CORIN: variants seen among roughly 807,000 people sequenced by gnomAD.
The protein encoded by CORIN is atrial natriuretic peptide-converting enzyme.
In CORIN, 117 loss-of-function variants were observed where a neutral mutation model predicts 125.3. The ratio of observed to expected loss-of-function variants is 0.93; its 90% CI spans 0.80 to 1.09. The LOEUF (loss-of-function observed/expected upper bound fraction) is 1.09, where lower values mean the gene tolerates loss of function less well. Among genes scored for constraint, CORIN ranks in the 50% least tolerant of loss-of-function variants. CORIN has a pLI of 0.00. For synonymous variants in CORIN, 450 were observed against 466.4 expected (o/e 0.96, Z 0.45); for missense variants, 1,253 against 1,306.7 (o/e 0.96, Z 0.63).
At chr4:47,693,133 C>A in intron 5 of CORIN, 50 bp from the exon 6 acceptor site, 4 of 1,176,938 alleles carry the variant, frequency 3.4e-6, no homozygotes, top group Non-Finnish European at 5.0e-6. Flanking sequence ...GGTTTTTTTT[C>A]TTTTAAGATT....
At chr4:47,649,104 C>T (rs761566149) in intron 13 of CORIN, among the ~76,000 whole-genome samples, 4 of 152,220 alleles carry the variant, frequency 2.6e-5, no homozygotes, top group Non-Finnish European at 5.9e-5. Flanking sequence ...GCTGGAAAGT[C>T]GCAGCAGCCT....
chr4:47,770,964 A>G (rs1729999716), intron 3 of CORIN, among the ~76,000 whole-genome samples: 1 of 152,208 alleles, frequency 6.6e-6, no homozygotes, highest in Non-Finnish European at 1.5e-5. Context: ...ATTGTACAGC[A>G]TGGTGACTAT....
chr4:47,810,375 G>A (rs2109958457), intron 1 of CORIN, among the ~76,000 whole-genome samples: 1 of 152,120 alleles, frequency 6.6e-6, no homozygotes, highest in African/African-American at 2.4e-5. Flanking sequence ...TGTAGAGACA[G>A]GATTTCACCA....
chr4:47,642,951 G>C (rs1174358196), intron 15 of CORIN, 195 bp downstream of exon 15: 1 of 1,535,042 alleles, frequency 6.5e-7, no homozygotes, highest in South Asian at 1.2e-5. Context: ...ATTTCAAATA[G>C]AGAAGTAGCT....
chr4:47,828,079 C>A (rs1238867950), intron 1 of CORIN, among the ~76,000 whole-genome samples: 1 of 152,178 alleles, frequency 6.6e-6, no homozygotes, highest in Admixed American at 6.5e-5. Context: ...CAAATGCCCA[C>A]TAAGAGGGAA....
intron 21 of CORIN, among the ~76,000 whole-genome samples, chr4:47,597,961 G>C (rs902813564): frequency 2.6e-5 from 4 of 152,166 alleles, no homozygotes; most frequent in African/African-American, 9.6e-5. Context: ...TGACTTCCAG[G>C]TGGAGAGGAA....
chr4:47,618,562 G>C (rs1036697401), intron 19 of CORIN, among the ~76,000 whole-genome samples: 5 of 152,192 alleles, frequency 3.3e-5, no homozygotes, highest in Admixed American at 1.3e-4. Flanking sequence ...GCTCACGCCT[G>C]TAATCCCAGC....
intron 1 of CORIN, among the ~76,000 whole-genome samples, chr4:47,827,874 T>A (rs1732810324): frequency 6.6e-6 from 1 of 152,134 alleles, no homozygotes; most frequent in South Asian, 2.1e-4. Flanking sequence ...TGACTGTCTC[T>A]CCTCGTTCTG....
At chr4:47,644,635 A>T (rs565735831) in intron 14 of CORIN, among the ~76,000 whole-genome samples, 1 of 152,358 alleles carries the variant, frequency 6.6e-6, no homozygotes, top group South Asian at 2.1e-4. Context: ...ACTTTTAAAT[A>T]TGACTTTCTG....
chr4:47,751,410 A>C (rs559583418), intron 4 of CORIN, among the ~76,000 whole-genome samples: 4 of 152,272 alleles, frequency 2.6e-5, no homozygotes, highest in Non-Finnish European at 5.9e-5. Context: ...ATAATCACTA[A>C]ATACTGCCAA....
At chr4:47,648,268 G>T (rs1484330548) in intron 13 of CORIN, among the ~76,000 whole-genome samples, 1 of 152,150 alleles carries the variant, frequency 6.6e-6, no homozygotes, top group Non-Finnish European at 1.5e-5. Flanking sequence ...AATAATTGTT[G>T]ATGTCAGAAT....
At chr4:47,684,495 C>T (rs2109723691) in intron 6 of CORIN, among the ~76,000 whole-genome samples, 1 of 152,294 alleles carries the variant, frequency 6.6e-6, no homozygotes, top group African/African-American at 2.4e-5. Context: ...TAAACCAGAA[C>T]TCCTATCCTG....
chr4:47,730,424 G>A (rs920444768), intron 5 of CORIN, among the ~76,000 whole-genome samples: 1 of 141,380 alleles, frequency 7.1e-6, no homozygotes, highest in African/African-American at 2.6e-5. Context: ...AGTGAACTGA[G>A]ATTGTGCCAC....
chr4:47,719,043 T>A (rs1577859433), intron 5 of CORIN, among the ~76,000 whole-genome samples: 1 of 152,160 alleles, frequency 6.6e-6, no homozygotes, highest in African/African-American at 2.4e-5. Context: ...CATGAATAAC[T>A]CCCAAGCTCT....
chr4:47,643,207 T>G lies in CORIN; in HGVS notation c.2007A>C (p.Ser669=). The stretch of plus-strand genomic sequence containing the variant: ...CTTCACCATCACACCACAGGTCACG[T>G]GACACACACGCATGGTTTGCACATT... ...ELECANHACV[S]RDLWCDGEAD... is the part of the protein sequence containing the mutation. The change falls in exon 15 of 22, where the codon TCA becomes TCC. Residue 669 remains serine (S), a synonymous_variant. Coordinates refer to ENST00000273857, the MANE Select transcript of CORIN (RefSeq NM_006587.4). 1 of 1,613,998 alleles carries G rather than the reference T, an allele frequency of 6.2e-7. No homozygotes were observed. The highest frequency in any genetic ancestry group is 2.2e-5 in the East Asian group (1 of 44,870).
intron 2 of CORIN, among the ~76,000 whole-genome samples, chr4:47,803,755 A>G (rs1221071979): frequency 2.0e-5 from 3 of 152,242 alleles, no homozygotes; most frequent in Non-Finnish European, 4.4e-5. Flanking sequence ...TGAAAATGCT[A>G]AAAGAAAACA....
chr4:47,621,538 G>A (rs1443636556), intron 19 of CORIN, among the ~76,000 whole-genome samples: 2 of 152,116 alleles, frequency 1.3e-5, no homozygotes, highest in Non-Finnish European at 2.9e-5. Flanking sequence ...TTTATGTTTG[G>A]TTTTGTTTGT....
At chr4:47,650,325 A>G (rs1455559876) in intron 13 of CORIN, among the ~76,000 whole-genome samples, 1 of 152,184 alleles carries the variant, frequency 6.6e-6, no homozygotes, top group Non-Finnish European at 1.5e-5. Context: ...ATCAATTAGT[A>G]ATTTTGATTC....
rs1729521319 is a variant in CORIN at position 47,762,639 on chromosome 4, T to TATA, written c.617+739_617+740insTAT. 6.6e-5 allele frequency among the ~76,000 whole-genome samples: 10 copies of TATA among 152,312 alleles called. No homozygotes were observed. The Middle Eastern group carries it at 0.014, about 207-fold the overall frequency. On this transcript the variant is annotated intron_variant, in intron 4 of 21. Transcript: ENST00000273857. ...GAACCACCCAACATCTATGTATGGT[T>TATA]CACACTTGCTTTAAAGTATAAGATT...
Sources: allele counts gnomAD v4.1 joint callset (sites outside exome capture counted in the v4.1 genomes callset), GRCh38; gene constraint gnomAD v4.1.1; transcripts MANE v1.5; gene names NCBI Gene and HGNC (gene_info 2026-07-23, HGNC 2026-07-21).